Variants in ANGPTL5 observed in about 807,000 individuals in gnomAD.
ANGPTL5 encodes angiopoietin like 5, also known as angiopoietin-related protein 5.
A neutral mutation model predicts 39.4 loss-of-function variants in ANGPTL5; 34 were observed. That is an observed-to-expected ratio of 0.86 (90% confidence interval 0.66 to 1.15). The LOEUF (loss-of-function observed/expected upper bound fraction) is 1.15. ANGPTL5 is among the 50% of genes most tolerant of loss of function. The pLI, the probability that ANGPTL5 is intolerant of heterozygous loss-of-function variation, is 0.00. For missense variants in ANGPTL5, 467 were observed against 457.5 expected, an observed-to-expected ratio of 1.02 and a Z score of -0.19; for synonymous variants, 146 against 152.1, an observed-to-expected ratio of 0.96 and a Z score of 0.29.
chr11:101,914,612 G>A (rs147349942), intron 1 of ANGPTL5, among the ~76,000 whole-genome samples: 102 of 152,324 alleles, frequency 6.7e-4, no homozygotes, highest in Non-Finnish European at 1.3e-3. Context: ...ATTTTAAAGA[G>A]ACGGTGTTTG....
At chr11:101,915,245 G>T (rs763153030) in intron 1 of ANGPTL5, 1 of 1,610,358 alleles carries the variant, frequency 6.2e-7, no homozygotes, top group South Asian at 1.1e-5. Context: ...CCATGAGGGA[G>T]GTTCTGGGGG....
At position 101,907,153 on chromosome 11, in the gene ANGPTL5, G is replaced by A. The variant is rs1015891137; in HGVS notation, c.191C>T (p.Ser64Leu). The A allele has an allele frequency of 3.8e-6, 6 of 1,593,236 alleles. No homozygotes were observed. The highest frequency in any genetic ancestry group is 5.2e-6 in the Non-Finnish European group (6 of 1,164,200). ...TGTAATTTTAGTTTTAACATCACAT[G>A]ATTCCTCACAGTCTTCCTTACAAAC... ...DTVCKEDCEE[S>L]CDVKTKITRE... Residue 64 changes from serine to leucine, a missense_variant, in exon 3 of 9, where the codon TCA becomes TTA. Transcript: ENST00000334289.
chr11:101,913,400 TG>T (rs1940125895), intron 1 of ANGPTL5, among the ~76,000 whole-genome samples: 1 of 152,228 alleles, frequency 6.6e-6, no homozygotes, highest in Admixed American at 6.5e-5. Flanking sequence ...AAATTATGTA[TG>T]TTTAGCCAAC....
rs757195821 is a variant in ANGPTL5, at chr11:101,902,670, G to A, written c.491C>T (p.Pro164Leu). The A allele has an allele frequency of 1.9e-4, 300 of 1,611,756 alleles. No homozygotes were observed. Among genetic ancestry groups the A allele is most frequent in the South Asian group, 8.3e-4 (75 of 90,878 alleles). Residue 164 changes from proline to leucine, a missense_variant, in exon 6 of 9, where the codon CCG (proline) becomes CTG (leucine). By Grantham distance (98) the Pro-to-Leu change is moderately conservative (BLOSUM62 -3). Transcript: ENST00000334289. ...KDTIGSVTKT[P>L]SGLYIIHPEG... Reference sequence around the variant, plus strand: ...TGGGTGAATTATGTATAAACCACTCGGTGTTTTGGTGACAGAGCCAATGGT... The same window carrying A: ...TGGGTGAATTATGTATAAACCACTCAGTGTTTTGGTGACAGAGCCAATGGT...
chr11:101,899,093 G>T (rs895673759), intron 7 of ANGPTL5, among the ~76,000 whole-genome samples: 1 of 152,140 alleles, frequency 6.6e-6, no homozygotes, highest in Non-Finnish European at 1.5e-5. Flanking sequence ...AGGGATATTG[G>T]CCTGAAATTT....
At chr11:101,892,517 C>T (rs182569717) in intron 8 of ANGPTL5, among the ~76,000 whole-genome samples, 1 of 152,266 alleles carries the variant, frequency 6.6e-6, no homozygotes, top group East Asian at 1.9e-4. Context: ...AGGCGTGATC[C>T]ACTGCTTCTG....
At chr11:101,905,468 T>C (rs1330807870) in intron 4 of ANGPTL5, among the ~76,000 whole-genome samples, 1 of 152,196 alleles carries the variant, frequency 6.6e-6, no homozygotes, top group Non-Finnish European at 1.5e-5. Flanking sequence ...CTTTCTCCTC[T>C]GGGAAGCTTT....
At chr11:101,892,807 T>C (rs1048424602) in intron 8 of ANGPTL5, among the ~76,000 whole-genome samples, 3 of 152,250 alleles carry the variant, frequency 2.0e-5, no homozygotes. Context: ...TTCTGAAAGT[T>C]TGGCATCTCT....
chr11:101,892,312 C>A (rs1363644047), intron 8 of ANGPTL5, among the ~76,000 whole-genome samples: 3 of 152,120 alleles, frequency 2.0e-5, no homozygotes, highest in Non-Finnish European at 4.4e-5. Flanking sequence ...CTCACTGCAA[C>A]CTTCACCTCC....
At chr11:101,910,424 A>AAAAATATATAT (rs1469724609) in intron 1 of ANGPTL5, among the ~76,000 whole-genome samples, 3 of 127,218 alleles carry the variant, frequency 2.4e-5, no homozygotes, top group East Asian at 2.2e-4. Context: ...AAAAAAAAAA[A>AAAAATATATAT]ATATATATAT....
chr11:101,914,854 G>T (rs1461530555), intron 1 of ANGPTL5, among the ~76,000 whole-genome samples: 1 of 152,166 alleles, frequency 6.6e-6, no homozygotes, highest in African/African-American at 2.4e-5. Flanking sequence ...ACAACACTCA[G>T]CTCACCCCTC....
chr11:101,894,907 C>G lies in ANGPTL5; in HGVS notation c.819G>C (p.Met273Ile), dbSNP rs1332560499. The G allele has an allele frequency of 1.1e-5, 18 of 1,613,212 alleles. No homozygotes were observed. The highest frequency in any genetic ancestry group is 1.4e-5 in the Non-Finnish European group (16 of 1,179,524). ...WLEDETRFFK[M>I]HLGRYSGNAG... Reference sequence around the variant, plus strand: ...CATTTCCTGAATACCGTCCTAAGTGCATTTTAAAAAATCTCGTTTCATCCT... The same window carrying G: ...CATTTCCTGAATACCGTCCTAAGTGGATTTTAAAAAATCTCGTTTCATCCT... Residue 273 changes from methionine (M) to isoleucine (I), a missense_variant, in exon 8 of 9, where the codon ATG (methionine) becomes ATC (isoleucine). Transcript: ENST00000334289.
Position 101,905,770 on chromosome 11 carries a change from C to G in ANGPTL5, c.319G>C (p.Ala107Pro), listed in dbSNP as rs760300183. 1.1e-5 allele frequency: 17 copies of G among 1,610,256 alleles called. No individual in the cohort carries two copies. Among genetic ancestry groups the G allele is most frequent in the Non-Finnish European group, 1.4e-5 (17 of 1,177,230 alleles). ...TGATTAGATAAATAATCCAAGGAAG[C>G]TTGTTGCTCATCCATCATATTCCTT... Reference protein sequence around the residue: ...LLRNMMDEQQASLDYLSNQVN... With the variant: ...LLRNMMDEQQPSLDYLSNQVN... Residue 107 changes from alanine to proline, a missense_variant, in exon 4 of 9, where the codon GCT (alanine) becomes CCT (proline). By Grantham distance (27) the Ala-to-Pro change is conservative (BLOSUM62 -1). Transcript: ENST00000334289.
chr11:101,915,203 G>A, intron 1 of ANGPTL5: 1 of 1,582,518 alleles, frequency 6.3e-7, no homozygotes, highest in Non-Finnish European at 8.6e-7. Context: ...TGTAGGGAGG[G>A]GCCGAGCAGG....
At chr11:101,895,282 A>G (rs1428312615) in intron 7 of ANGPTL5, among the ~76,000 whole-genome samples, 1 of 152,102 alleles carries the variant, frequency 6.6e-6, no homozygotes, top group African/African-American at 2.4e-5. Context: ...AGAAAATCAG[A>G]CCCTTTTTCA....
intron 4 of ANGPTL5, among the ~76,000 whole-genome samples, chr11:101,905,292 G>C (rs115389429): frequency 6.6e-6 from 1 of 151,984 alleles, no homozygotes; most frequent in South Asian, 2.1e-4. Flanking sequence ...GTATGACTTC[G>C]TTCTTGCCTA....
chr11:101,914,495 C>G (rs1193410859), intron 1 of ANGPTL5, among the ~76,000 whole-genome samples: 1 of 152,140 alleles, frequency 6.6e-6, no homozygotes, highest in Admixed American at 6.5e-5. Context: ...AAATGTAGAC[C>G]TTCTAAGTAG....
chr11:101,905,954 T>A (rs1021991546), intron 3 of ANGPTL5, 107 bp from the exon 4 acceptor site: 1 of 681,858 alleles, frequency 1.5e-6, no homozygotes, highest in African/African-American at 1.8e-5. Flanking sequence ...GTTAACTCAA[T>A]ACTATCTCAA....
chr11:101,896,995 C>T (rs1939809353), intron 7 of ANGPTL5, among the ~76,000 whole-genome samples: 2 of 152,212 alleles, frequency 1.3e-5, no homozygotes, highest in Non-Finnish European at 2.9e-5. Context: ...GTTCCTATTT[C>T]TCCACATCCT....
Sources: gnomAD v4.1 joint callset for allele counts (sites outside exome capture counted in the v4.1 genomes callset) on GRCh38, gnomAD v4.1.1 for gene constraint, MANE v1.5 for transcripts, NCBI Gene and HGNC (gene_info 2026-07-23, HGNC 2026-07-21) for gene names.